SCLY: variants seen among roughly 807,000 people sequenced by gnomAD.
SCLY encodes the protein selenocysteine lyase, also known as putative selenocysteine lyase.
In SCLY, 38 loss-of-function variants were observed where a neutral mutation model predicts 50.1. The observed-to-expected ratio is 0.76, with a 90% confidence interval of 0.59 to 0.99. SCLY has a LOEUF of 0.99. Among genes scored for constraint, SCLY ranks in the 50% least tolerant of loss-of-function variants. SCLY has a pLI of 0.00. For synonymous variants in SCLY, 243 were observed against 249.4 expected, an observed-to-expected ratio of 0.97 and a Z score of 0.24; for missense variants, 600 against 620.0, an observed-to-expected ratio of 0.97 and a Z score of 0.34.
chr2:238,093,104 G>A (rs548465652), intron 8 of SCLY: 12 of 152,692 alleles, frequency 7.9e-5, no homozygotes, highest in African/African-American at 2.4e-4. Flanking sequence ...CCTTGTCATC[G>A]TCCCCTGCCT....
Position 238,093,941 on chromosome 2 carries a change from G to A in SCLY, c.1002G>A (p.Leu334=), listed in dbSNP as rs1278664280. ...RDVRDYLEER[L]EAEFGQKRIH... ...TCCGCGACTACCTGGAAGAGAGGCT[G>A]GAAGTGAGCGCAGCGTGGGGTGGGC... The change falls in exon 9 of 12, where the codon CTG becomes CTA. Residue 334 remains leucine, a synonymous_variant. Coordinates refer to ENST00000254663, the MANE Select transcript of SCLY (RefSeq NM_016510.7). 6.2e-7 allele frequency: 1 copy of A among 1,613,302 alleles called. No individual in the cohort carries two copies. Among genetic ancestry groups the A allele is most frequent in the South Asian group, 1.1e-5 (1 of 90,868 alleles).
chr2:238,081,925 C>T, intron 5 of SCLY, 89 bp downstream of exon 5: 1 of 1,577,246 alleles, frequency 6.3e-7, no homozygotes, highest in Non-Finnish European at 8.6e-7. Flanking sequence ...CCAGCTCTGG[C>T]CTCTCCCGTT....
chr2:238,098,097 TC>T, intron 11 of SCLY, 104 bp from the exon 12 acceptor site: 3 of 1,366,690 alleles, frequency 2.2e-6, no homozygotes, highest in Non-Finnish European at 3.0e-6. Context: ...CAGGCGCACA[TC>T]CGGGTGGGCA....
chr2:238,098,190 C>A lies in SCLY; in HGVS notation c.1185-12C>A. 1 of 1,607,726 alleles carries A rather than the reference C, an allele frequency of 6.2e-7. No homozygotes were observed. On this transcript the variant is annotated splice_polypyrimidine_tract_variant and intron_variant, in intron 11 of 11. Transcript: ENST00000254663. ...CTCAGCAGCAGCTGCAGCTCGGTCT[C>A]GCCCTCCCCAGGCCGTCCCCAGTGC...
chr2:238,063,807 C>A (rs190864323), intron 1 of SCLY, among the ~76,000 whole-genome samples: 1 of 152,204 alleles, frequency 6.6e-6, no homozygotes, highest in Non-Finnish European at 1.5e-5. Context: ...CAGCTGTTCC[C>A]CTCCTTCCAT....
At chr2:238,084,842 C>T (rs538977161) in intron 7 of SCLY, among the ~76,000 whole-genome samples, 347 of 143,380 alleles carry the variant, frequency 2.4e-3, no homozygotes, top group African/African-American at 7.7e-3. Context: ...TGCACTGAGT[C>T]GAGATCGCAC....
chr2:238,074,045 C>A (rs1330584724), intron 4 of SCLY, among the ~76,000 whole-genome samples: 1 of 152,114 alleles, frequency 6.6e-6, no homozygotes, highest in Non-Finnish European at 1.5e-5. Context: ...TGTCTCACAT[C>A]TGTAATCCCA....
intron 4 of SCLY, chr2:238,073,945 G>T (rs1403637811): frequency 3.3e-6 from 1 of 302,232 alleles, no homozygotes; most frequent in Non-Finnish European, 6.5e-6. Context: ...TACAAAATAT[G>T]TGTTAATCAA....
intron 4 of SCLY, among the ~76,000 whole-genome samples, chr2:238,075,216 A>G (rs923922711): frequency 6.6e-6 from 1 of 152,152 alleles, no homozygotes; most frequent in Middle Eastern, 3.4e-3. Context: ...GTAATGTTGT[A>G]TTACCTTAAC....
At chr2:238,077,986 C>A (rs2065191121) in intron 4 of SCLY, among the ~76,000 whole-genome samples, 1 of 148,172 alleles carries the variant, frequency 6.7e-6, no homozygotes, top group African/African-American at 2.5e-5. Flanking sequence ...GAATCTCGCT[C>A]TGTTGCCCAG....
At position 238,083,092 on chromosome 2, in the gene SCLY, C is replaced by G. The variant is rs2243417; in HGVS notation, c.778-156C>G. On this transcript the variant is annotated intron_variant, in intron 6 of 11. Coordinates refer to ENST00000254663, the MANE Select transcript of SCLY (RefSeq NM_016510.7). The surrounding 1 kb of genome is among the most constrained non-coding windows in gnomAD (Gnocchi z 4.3). ...TGCCCCGAAGGCTTTTGTGACTCTG[C>G]GTGTCAAAAGGGGTGGCACTCAGAG... The G allele has an allele frequency of 1.4e-6, 1 of 707,066 alleles. No individual in the cohort carries two copies. Among genetic ancestry groups the G allele is most frequent in the Non-Finnish European group, 2.6e-6 (1 of 379,672 alleles). 43.8% of individuals were successfully genotyped at this position (707,066 alleles called of 1,614,324 possible).
At chr2:238,068,348 C>T (rs529343654) in intron 3 of SCLY, 183 bp downstream of exon 3, 47 of 439,494 alleles carry the variant, frequency 1.1e-4, no homozygotes, top group African/African-American at 6.8e-4. Context: ...CAGGAGTTTG[C>T]GACCTCCCTG....
chr2:238,091,404 C>A (rs1368647513), intron 8 of SCLY, 150 bp downstream of exon 8: 3 of 743,176 alleles, frequency 4.0e-6, no homozygotes, highest in Non-Finnish European at 7.3e-6. Flanking sequence ...GATTTATCAA[C>A]CTGGAGAGCT....
chr2:238,080,066 G>C (rs1157747702), intron 4 of SCLY: 1 of 152,076 alleles, frequency 6.6e-6, no homozygotes, highest in African/African-American at 2.4e-5. Flanking sequence ...ATATACTCTG[G>C]AGCCCCTCCA....
chr2:238,096,816 C>T lies in SCLY; in HGVS notation c.1124C>T (p.Ala375Val), dbSNP rs749954759. The stretch of plus-strand genomic sequence containing the variant: ...GTCTCCGCAGGCCACGTGGTGCTTG[C>T]GCAGTGCCGAGTGCTGATGGCCAGT... ...GPRLQGHVVL[A>V]QCRVLMASVG... Residue 375 changes from alanine to valine, a missense_variant, in exon 11 of 12, where the codon GCG becomes GTG. By Grantham distance (64) the Ala-to-Val change is moderately conservative. Coordinates refer to ENST00000254663, the MANE Select transcript of SCLY (RefSeq NM_016510.7). The T allele has an allele frequency of 5.6e-6, 9 of 1,610,920 alleles. No homozygotes were observed. The East Asian group carries it at 1.1e-4, about 20-fold the overall frequency.
chr2:238,062,325 A>T (rs1479622896), intron 1 of SCLY, among the ~76,000 whole-genome samples: 3 of 152,106 alleles, frequency 2.0e-5, no homozygotes, highest in Non-Finnish European at 4.4e-5. Context: ...GGGCTGGGGG[A>T]TTCCTAGGAC....
chr2:238,087,379 C>T (rs1182156637), intron 7 of SCLY, among the ~76,000 whole-genome samples: 1 of 152,180 alleles, frequency 6.6e-6, no homozygotes, highest in Non-Finnish European at 1.5e-5. Flanking sequence ...ACAAACAGCT[C>T]TACACATAGG....
At chr2:238,085,830 C>T (rs762447675) in intron 7 of SCLY, among the ~76,000 whole-genome samples, 5 of 152,298 alleles carry the variant, frequency 3.3e-5, no homozygotes, top group Middle Eastern at 6.8e-3. Context: ...AGAAAGATGA[C>T]AGCCTGAAAA....
At chr2:238,068,188 C>T (rs1006223526) in intron 3 of SCLY, 23 bp downstream of exon 3, 1 of 1,422,408 alleles carries the variant, frequency 7.0e-7, no homozygotes, top group Non-Finnish European at 9.8e-7. Flanking sequence ...AACACACTCA[C>T]ATTCTGTTAA....
Sources: gnomAD v4.1 joint callset for allele counts (sites outside exome capture counted in the v4.1 genomes callset) on GRCh38, gnomAD v4.1.1 for gene constraint, Gnocchi (gnomAD v3.1) non-coding constraint, MANE v1.5 for transcripts, NCBI Gene and HGNC (gene_info 2026-07-23, HGNC 2026-07-21) for gene names.